The following FRMD5 variants were observed in gnomAD, a reference collection of about 807,000 sequenced individuals.
FRMD5 encodes FERM domain containing 5, also known as FERM domain-containing protein 5.
FRMD5 carries 20 observed loss-of-function variants against 69.0 expected under a neutral mutation model. The observed-to-expected ratio is 0.29, with a 90% confidence interval of 0.20 to 0.42. FRMD5 has a LOEUF of 0.42. Ranked by LOEUF, FRMD5 falls within the 10% of genes least tolerant of loss-of-function variation. The pLI is 1.00. For synonymous variants in FRMD5, 271 were observed against 260.1 expected, an observed-to-expected ratio of 1.04 and a Z score of -0.40; for missense variants, 595 against 708.6, an observed-to-expected ratio of 0.84 and a Z score of 1.82.
intron 1 of FRMD5, among the ~76,000 whole-genome samples, chr15:43,973,842 A>C (rs938006432): frequency 6.6e-6 from 1 of 150,410 alleles, no homozygotes; most frequent in Non-Finnish European, 1.5e-5. Flanking sequence ...CAATTTGCGG[A>C]TATCTAGAAT....
intron 1 of FRMD5, among the ~76,000 whole-genome samples, chr15:43,963,384 T>A (rs1389544671): frequency 1.3e-5 from 2 of 152,044 alleles, no homozygotes; most frequent in Admixed American, 1.3e-4. Context: ...TTAGAATGGC[T>A]ATCATTAAAA....
chr15:44,095,234 GCT>G (rs1447325224), intron 1 of FRMD5, among the ~76,000 whole-genome samples: 1 of 147,962 alleles, frequency 6.8e-6, no homozygotes, highest in Non-Finnish European at 1.5e-5. Context: ...TCAGGGTCTT[GCT>G]CTGTTGCCCA....
chr15:43,998,141 C>T (rs1375035331), intron 1 of FRMD5, among the ~76,000 whole-genome samples: 4 of 152,152 alleles, frequency 2.6e-5, no homozygotes, highest in Non-Finnish European at 4.4e-5. Context: ...TAGCTGCTTA[C>T]AGGTGGTATA....
At chr15:43,877,255 C>A (rs2088388339) in intron 13 of FRMD5, among the ~76,000 whole-genome samples, 1 of 152,198 alleles carries the variant, frequency 6.6e-6, no homozygotes, top group African/African-American at 2.4e-5. Context: ...ACCAGATTCC[C>A]AGCTCAGTAA....
chr15:44,185,683 C>G (rs928635383), intron 1 of FRMD5, among the ~76,000 whole-genome samples: 3 of 151,878 alleles, frequency 2.0e-5, no homozygotes, highest in African/African-American at 7.3e-5. Context: ...ATCCCAGCTA[C>G]TCAGGAGGCT....
intron 1 of FRMD5, among the ~76,000 whole-genome samples, chr15:44,071,874 T>C (rs906046213): frequency 1.3e-5 from 2 of 152,220 alleles, no homozygotes; most frequent in African/African-American, 4.8e-5. Context: ...GTTTCCTTAC[T>C]ATTGATGCTG....
At chr15:44,122,979 T>C (rs2076975564) in intron 1 of FRMD5, among the ~76,000 whole-genome samples, 1 of 152,198 alleles carries the variant, frequency 6.6e-6, no homozygotes, top group Admixed American at 6.5e-5. Flanking sequence ...TCAGTGATGA[T>C]GAGCCTGATA....
At chr15:44,011,631 T>A (rs989161644) in intron 1 of FRMD5, among the ~76,000 whole-genome samples, 3 of 151,952 alleles carry the variant, frequency 2.0e-5, no homozygotes, top group Non-Finnish European at 4.4e-5. Flanking sequence ...GCTGATGCCA[T>A]GAAAGTGGAT....
At chr15:44,164,272 C>T (rs2077671455) in intron 1 of FRMD5, among the ~76,000 whole-genome samples, 1 of 152,168 alleles carries the variant, frequency 6.6e-6, no homozygotes, top group Non-Finnish European at 1.5e-5. Context: ...TAATAGTGTA[C>T]TATTTTTGTA....
chr15:44,050,766 T>G (rs1595671470), intron 1 of FRMD5, among the ~76,000 whole-genome samples: 1 of 151,470 alleles, frequency 6.6e-6, no homozygotes, highest in South Asian at 2.1e-4. Context: ...TAAGTGATTC[T>G]CCAGCCTCCA....
At chr15:43,909,484 GT>G (rs1315856633) in intron 5 of FRMD5, among the ~76,000 whole-genome samples, 1 of 149,686 alleles carries the variant, frequency 6.7e-6, no homozygotes, top group Non-Finnish European at 1.5e-5. Context: ...GTTTGTTTAT[GT>G]ATTTATTTAT....
rs965679711 is a variant in FRMD5, at chr15:44,002,808, T to C, written c.103-78499A>G. Among the ~76,000 whole-genome samples the C allele has an allele frequency of 2.6e-5, 4 of 152,200 alleles. No homozygotes were observed. In the South Asian group the frequency reaches 8.3e-4, roughly 31 times the overall value. ...GATTTCATTTCTGCCTTTTAGTTTT[T>C]ACTTCTTCTTTCTCTGGAGGCAGAA... is the stretch of plus-strand genomic sequence containing the variant. On this transcript the variant is annotated intron_variant, in intron 1 of 13. Coordinates refer to ENST00000417257, the MANE Select transcript of FRMD5 (RefSeq NM_032892.5).
Position 43,905,917 on chromosome 15 carries a change from AG to A in FRMD5, c.461del (p.Pro154LeufsTer30). 1 of 1,614,234 alleles carries A rather than the reference AG, an allele frequency of 6.2e-7. No homozygotes were observed. The highest frequency in any genetic ancestry group is 8.5e-7 in the Non-Finnish European group (1 of 1,180,018). ...ACTGGAACTTGGAGCTGTAGCCTTC[AG>A]GGTGTTTCCCTGAGTCATAATCCCC... ...EIGDYDSGKH[P>X]EGYSSKFQFF... On this transcript the variant is annotated frameshift_variant, in exon 6 of 14. Coordinates refer to ENST00000417257, the MANE Select transcript of FRMD5 (RefSeq NM_032892.5). LOFTEE classifies it high-confidence loss of function.
intron 2 of FRMD5, among the ~76,000 whole-genome samples, chr15:43,922,886 T>C (rs985836202): frequency 1.3e-5 from 2 of 152,166 alleles, no homozygotes; most frequent in African/African-American, 4.8e-5. Context: ...CCCAGGCTGG[T>C]CATGAACTCC....
At chr15:44,154,928 T>C (rs1393537718) in intron 1 of FRMD5, among the ~76,000 whole-genome samples, 3 of 152,124 alleles carry the variant, frequency 2.0e-5, no homozygotes, top group African/African-American at 7.2e-5. Context: ...GTAGGACATG[T>C]GAATTATGTC....
At chr15:44,096,858 T>C (rs2076561038) in intron 1 of FRMD5, among the ~76,000 whole-genome samples, 1 of 152,166 alleles carries the variant, frequency 6.6e-6, no homozygotes, top group African/African-American at 2.4e-5. Flanking sequence ...ACAGGGGTAC[T>C]ACTCACTGAA....
At chr15:43,941,906 T>C (rs951964826) in intron 1 of FRMD5, among the ~76,000 whole-genome samples, 8 of 152,196 alleles carry the variant, frequency 5.3e-5, no homozygotes, top group African/African-American at 1.9e-4. Context: ...GGAGGCAATA[T>C]TTTCTTACCT....
chr15:44,197,559 G>T (rs1042805485), upstream of FRMD5, among the ~76,000 whole-genome samples: 1 of 151,430 alleles, frequency 6.6e-6, no homozygotes. Context: ...GCATGTGTCT[G>T]TAGTCTCAGC....
chr15:43,973,181 C>T (rs147682208), intron 1 of FRMD5, among the ~76,000 whole-genome samples: 3,860 of 152,088 alleles, frequency 0.025, 86 homozygotes, highest in Non-Finnish European at 0.04. Context: ...CGCCACCACG[C>T]CTGGCTAATT....
Sources: allele counts gnomAD v4.1 joint callset (sites outside exome capture counted in the v4.1 genomes callset), GRCh38; gene constraint gnomAD v4.1.1; transcripts MANE v1.5; gene names NCBI Gene and HGNC (gene_info 2026-07-23, HGNC 2026-07-21).